Variants in KCTD16 observed in about 807,000 individuals in gnomAD.
KCTD16 encodes potassium channel tetramerization domain containing 16, also known as BTB/POZ domain-containing protein KCTD16.
Under a neutral mutation model 33.2 loss-of-function variants are expected in KCTD16, and 13 were observed. The observed-to-expected ratio is 0.39, with a 90% CI of 0.25 to 0.62. KCTD16 has a LOEUF of 0.62. Ranked by LOEUF, KCTD16 falls within the 20% of genes least tolerant of loss-of-function variation. KCTD16 has a pLI of 0.50. For missense variants in KCTD16, 441 were observed against 525.1 expected, an observed-to-expected ratio of 0.84 and a Z score of 1.57; for synonymous variants, 197 against 195.3, an observed-to-expected ratio of 1.01 and a Z score of -0.07.
intron 3 of KCTD16, among the ~76,000 whole-genome samples, chr5:144,294,481 A>G (rs1406194576): frequency 6.8e-6 from 1 of 146,872 alleles, no homozygotes; most frequent in South Asian, 2.1e-4. Context: ...AGCATTTTGT[A>G]TATAAACTTA....
At chr5:144,448,384 G>T (rs1256692958) in intron 3 of KCTD16, among the ~76,000 whole-genome samples, 7 of 152,086 alleles carry the variant, frequency 4.6e-5, no homozygotes, top group Non-Finnish European at 8.8e-5. Context: ...ACTTGGAGAA[G>T]AGCCTTAAGC....
At chr5:144,451,394 T>C (rs1753938649) in intron 3 of KCTD16, among the ~76,000 whole-genome samples, 1 of 152,196 alleles carries the variant, frequency 6.6e-6, no homozygotes. Context: ...GGGTGTGGTA[T>C]GGACCAGGTC....
chr5:144,273,874 A>G lies in KCTD16; in HGVS notation c.832+66328A>G, dbSNP rs145733044. 4.6e-3 allele frequency among the ~76,000 whole-genome samples: 706 copies of G among 152,028 alleles called. 1 individual carries two copies. The highest frequency in any genetic ancestry group is 0.016 in the African/African-American group (677 of 41,524). On this transcript the variant is annotated intron_variant, in intron 3 of 3. Transcript: ENST00000512467. ...GATGGATGGTGGTGACGGTTGCACA[A>G]CATTATGAATGTATTTGTTAACACA... is the stretch of plus-strand genomic sequence containing the variant.
At chr5:144,224,482 T>C (rs1373343856) in intron 3 of KCTD16, among the ~76,000 whole-genome samples, 1 of 150,302 alleles carries the variant, frequency 6.7e-6, no homozygotes, top group East Asian at 2.0e-4. Context: ...GAATTAATGG[T>C]AAACAAAAAA....
chr5:144,203,816 G>C (rs542921084), intron 2 of KCTD16, among the ~76,000 whole-genome samples: 1 of 152,320 alleles, frequency 6.6e-6, no homozygotes, highest in East Asian at 1.9e-4. Flanking sequence ...ATGGTGAGCA[G>C]TGCATGCCAA....
intron 2 of KCTD16, among the ~76,000 whole-genome samples, chr5:144,199,809 C>T (rs1332095743): frequency 1.3e-5 from 2 of 149,270 alleles, no homozygotes; most frequent in African/African-American, 2.5e-5. Context: ...CTCCGCCTTC[C>T]GGGTTCAAGC....
chr5:144,336,593 T>C (rs1034294060), intron 3 of KCTD16, among the ~76,000 whole-genome samples: 3 of 152,150 alleles, frequency 2.0e-5, no homozygotes, highest in Admixed American at 2.0e-4. Context: ...GATATTATTT[T>C]AAAATCCTCT....
At chr5:144,196,059 G>C (rs1752933790) in intron 2 of KCTD16, among the ~76,000 whole-genome samples, 1 of 152,180 alleles carries the variant, frequency 6.6e-6, no homozygotes, top group South Asian at 2.1e-4. Context: ...GCCTAACATA[G>C]TTCCTTGTAC....
chr5:144,406,580 A>G (rs1752813281), intron 3 of KCTD16, among the ~76,000 whole-genome samples: 1 of 152,182 alleles, frequency 6.6e-6, no homozygotes, highest in African/African-American at 2.4e-5. Context: ...TGTGGTCGAG[A>G]TGCACCGGTT....
At chr5:144,352,061 C>G (rs138980924) in intron 3 of KCTD16, among the ~76,000 whole-genome samples, 2 of 152,172 alleles carry the variant, frequency 1.3e-5, no homozygotes, top group East Asian at 3.9e-4. Context: ...TATATGTGTT[C>G]GTGCATGTGT....
rs77970667 is a variant in KCTD16 at position 144,262,402 on chromosome 5, T to A, written c.832+54856T>A. Among the ~76,000 whole-genome samples, 334 of 152,254 alleles carry A rather than the reference T, an allele frequency of 2.2e-3. 10 individuals are homozygous for A. The East Asian group carries it at 0.056, about 25-fold the overall frequency. ...ATATAATTCATTGATAAAACAATAA[T>A]CAACCTGTGAAGGGTTTCAAGCAAG... On this transcript the variant is annotated intron_variant, in intron 3 of 3. Coordinates refer to ENST00000512467, the MANE Select transcript of KCTD16 (RefSeq NM_020768.4).
At chr5:144,374,759 T>TC (rs1423089518) in intron 3 of KCTD16, among the ~76,000 whole-genome samples, 2 of 152,172 alleles carry the variant, frequency 1.3e-5, no homozygotes, top group African/African-American at 2.4e-5. Context: ...CTTTTTTTTT[T>TC]CCTGATAAAG....
At chr5:144,450,347 T>C (rs984533334) in intron 3 of KCTD16, among the ~76,000 whole-genome samples, 6 of 152,024 alleles carry the variant, frequency 3.9e-5, no homozygotes, top group Non-Finnish European at 7.4e-5. Flanking sequence ...ACACTGTTGG[T>C]GAAAGTGTAA....
At chr5:144,319,391 A>G (rs115743774) in intron 3 of KCTD16, among the ~76,000 whole-genome samples, 424 of 152,342 alleles carry the variant, frequency 2.8e-3, no homozygotes, top group African/African-American at 9.6e-3. Context: ...CTCAAATATT[A>G]TAAGTTAAAA....
chr5:144,387,062 G>A (rs1222802076), intron 3 of KCTD16, among the ~76,000 whole-genome samples: 1 of 151,830 alleles, frequency 6.6e-6, no homozygotes, highest in Non-Finnish European at 1.5e-5. Context: ...AGTCTCCCAG[G>A]CTCAAGAGAT....
chr5:144,177,498 G>T (rs539045389), intron 2 of KCTD16, among the ~76,000 whole-genome samples: 1 of 152,220 alleles, frequency 6.6e-6, no homozygotes, highest in South Asian at 2.1e-4. Context: ...TCTCAGGGCT[G>T]TGAGGGTGAA....
chr5:144,399,122 A>G (rs914625162), intron 3 of KCTD16, among the ~76,000 whole-genome samples: 3 of 152,188 alleles, frequency 2.0e-5, no homozygotes, highest in African/African-American at 7.2e-5. Flanking sequence ...TGGTACTAGA[A>G]GGAATCTGAA....
At chr5:144,266,952 G>A (rs752912250) in intron 3 of KCTD16, among the ~76,000 whole-genome samples, 2 of 151,978 alleles carry the variant, frequency 1.3e-5, no homozygotes, top group African/African-American at 2.4e-5. Context: ...CCTCTTATTC[G>A]GTTGGTGCAA....
In KCTD16 at chr5:144,473,955, G is replaced by A. The variant is rs147489800; in HGVS notation, c.1128G>A (p.Ser376=). 7,343 of 1,613,850 alleles carry A rather than the reference G, an allele frequency of 4.5e-3. 310 individuals carry two copies. The African/African-American group carries it at 0.087, about 19-fold the overall frequency. Residue 376 remains serine (S), a synonymous_variant, in exon 4 of 4, where the codon TCG becomes TCA. Coordinates refer to ENST00000512467, the MANE Select transcript of KCTD16 (RefSeq NM_020768.4). ...CTCTGACTTCAGGCTCCAGGGAATCGAACATGAGCAGCAAAAAAAAAGCTG... is the reference window on the plus strand; with the variant it reads ...CTCTGACTTCAGGCTCCAGGGAATCAAACATGAGCAGCAAAAAAAAAGCTG... ...LRTLTSGSRE[S]NMSSKKKAVK...
Sources: gnomAD v4.1 joint callset for allele counts (sites outside exome capture counted in the v4.1 genomes callset) on GRCh38, gnomAD v4.1.1 for gene constraint, MANE v1.5 for transcripts, NCBI Gene and HGNC (gene_info 2026-07-23, HGNC 2026-07-21) for gene names.